Variants in GALNTL6 observed in about 807,000 individuals in gnomAD.
GALNTL6 encodes polypeptide N-acetylgalactosaminyltransferase-like 6.
In GALNTL6, 46 loss-of-function variants were observed where a neutral mutation model predicts 73.7. That is an observed-to-expected ratio of 0.62 (90% CI 0.49 to 0.80). The LOEUF is 0.80. GALNTL6 is among the 30% of genes least tolerant of loss of function. GALNTL6 has a pLI of 0.00. For missense variants in GALNTL6, 604 were observed against 755.0 expected, an observed-to-expected ratio of 0.80 and a Z score of 2.34; for synonymous variants, 259 against 263.7, an observed-to-expected ratio of 0.98 and a Z score of 0.17.
At chr4:172,251,443 A>G (rs1318442251) in intron 3 of GALNTL6, among the ~76,000 whole-genome samples, 1 of 152,128 alleles carries the variant, frequency 6.6e-6, no homozygotes, top group East Asian at 1.9e-4. Flanking sequence ...AAAATTAACC[A>G]TCACAAGTCT....
chr4:172,626,446 T>G (rs1739174897), intron 5 of GALNTL6, among the ~76,000 whole-genome samples: 1 of 152,100 alleles, frequency 6.6e-6, no homozygotes, highest in Non-Finnish European at 1.5e-5. Flanking sequence ...GGTAACATGA[T>G]GTCTCATGGC....
At chr4:172,201,638 A>T (rs932446629) in intron 2 of GALNTL6, among the ~76,000 whole-genome samples, 2 of 152,078 alleles carry the variant, frequency 1.3e-5, no homozygotes, top group Admixed American at 1.3e-4. Flanking sequence ...TTGTTAAAAT[A>T]TTTTTGTAGT....
rs574104498 is a variant in GALNTL6, at chr4:172,315,684, TTATCTTTA to T, written c.386+3936_386+3943del. On this transcript the variant is annotated intron_variant, in intron 4 of 12. Transcript: ENST00000506823. ...AGCCTGAATCTCTCCTTAGAACATCTTATCTTTATATTTTATTTAATGCAATGTTGAAA... is the reference window on the plus strand; with the variant it reads ...AGCCTGAATCTCTCCTTAGAACATCTTATTTTATTTAATGCAATGTTGAAA... 9.8e-5 allele frequency among the ~76,000 whole-genome samples: 15 copies of T among 152,330 alleles called. No individual in the cohort carries two copies. In the South Asian group the frequency reaches 3.1e-3, roughly 32 times the overall value.
intron 5 of GALNTL6, among the ~76,000 whole-genome samples, chr4:172,353,394 G>T (rs576450245): frequency 1.2e-3 from 187 of 152,158 alleles, no homozygotes; most frequent in Admixed American, 3.0e-3. Flanking sequence ...AATAAATTTT[G>T]CTGTTTGTTT....
chr4:171,905,549 C>A (rs1373317707), intron 2 of GALNTL6, among the ~76,000 whole-genome samples: 4 of 150,086 alleles, frequency 2.7e-5, no homozygotes, highest in African/African-American at 1.0e-4. Flanking sequence ...TAATGGGAGA[C>A]TTTAACACCC....
chr4:172,239,191 T>C (rs750048871), intron 3 of GALNTL6, among the ~76,000 whole-genome samples: 4 of 152,168 alleles, frequency 2.6e-5, no homozygotes, highest in Non-Finnish European at 4.4e-5. Flanking sequence ...ATTCTTTGTA[T>C]GTCTGGTCGA....
chr4:171,891,370 A>G lies in GALNTL6; in HGVS notation c.138+76652A>G, dbSNP rs143905902. On this transcript the variant is annotated intron_variant, in intron 2 of 12. Transcript: ENST00000506823. ...AATCCTTTTGTCATGTTTCATTCTC[A>G]CACCTGGCTATGCAGCCTTGAAGAA... is the stretch of plus-strand genomic sequence containing the variant. Among the ~76,000 whole-genome samples, 4 of 152,294 alleles carry G rather than the reference A, an allele frequency of 2.6e-5. No homozygotes were observed. In the East Asian group the frequency reaches 7.7e-4, roughly 29 times the overall value.
chr4:171,844,508 A>G (rs1483737490), intron 2 of GALNTL6, among the ~76,000 whole-genome samples: 2 of 152,012 alleles, frequency 1.3e-5, no homozygotes, highest in Non-Finnish European at 2.9e-5. Flanking sequence ...TAAATTGTGC[A>G]TTTTTGTTTT....
intron 2 of GALNTL6, among the ~76,000 whole-genome samples, chr4:172,110,291 AACAGCT>A (rs1342073808): frequency 6.6e-6 from 1 of 152,216 alleles, no homozygotes; most frequent in Non-Finnish European, 1.5e-5. Context: ...AATTGTTCTC[AACAGCT>A]GATCATATGA....
At chr4:171,898,493 T>C (rs577067103) in intron 2 of GALNTL6, among the ~76,000 whole-genome samples, 27 of 152,264 alleles carry the variant, frequency 1.8e-4, no homozygotes, top group African/African-American at 6.0e-4. Context: ...TTTTTATATT[T>C]ATATTATCAT....
At chr4:172,948,399 G>GT (rs1749274758) in intron 9 of GALNTL6, among the ~76,000 whole-genome samples, 1 of 151,932 alleles carries the variant, frequency 6.6e-6, no homozygotes, top group Non-Finnish European at 1.5e-5. Flanking sequence ...CTTTGGAGTG[G>GT]TTTTTTTGAG....
chr4:172,589,750 T>G (rs941396034), intron 5 of GALNTL6, among the ~76,000 whole-genome samples: 4 of 152,242 alleles, frequency 2.6e-5, no homozygotes, highest in African/African-American at 9.6e-5. Flanking sequence ...TTCAGTCACT[T>G]TAAATGAATG....
intron 10 of GALNTL6, among the ~76,000 whole-genome samples, chr4:172,981,793 C>T (rs548129944): frequency 2.1e-5 from 3 of 139,568 alleles, no homozygotes; most frequent in East Asian, 2.2e-4. Flanking sequence ...GTAGTATGAA[C>T]GTCTTTTTTT....
intron 5 of GALNTL6, among the ~76,000 whole-genome samples, chr4:172,409,545 A>G (rs1247228978): frequency 6.6e-6 from 1 of 151,986 alleles, no homozygotes; most frequent in Non-Finnish European, 1.5e-5. Context: ...CAAGACATGT[A>G]ATTCTGAATT....
At chr4:172,874,757 T>C (rs533443105) in intron 7 of GALNTL6, among the ~76,000 whole-genome samples, 53 of 152,322 alleles carry the variant, frequency 3.5e-4, no homozygotes, top group East Asian at 1.5e-3. Context: ...TCTGCTCCCG[T>C]CTGGCCTGAG....
At chr4:172,672,300 A>G (rs1418178943) in intron 5 of GALNTL6, among the ~76,000 whole-genome samples, 2 of 152,228 alleles carry the variant, frequency 1.3e-5, no homozygotes, top group Non-Finnish European at 2.9e-5. Flanking sequence ...TGTTTATGTG[A>G]TGAAACACAT....
intron 2 of GALNTL6, among the ~76,000 whole-genome samples, chr4:172,187,509 C>T (rs553683442): frequency 1.2e-4 from 18 of 152,148 alleles, no homozygotes; most frequent in African/African-American, 4.1e-4. Context: ...TACATGCCAA[C>T]TATATTTCAA....
At chr4:172,392,454 T>C (rs903897898) in intron 5 of GALNTL6, among the ~76,000 whole-genome samples, 1 of 117,532 alleles carries the variant, frequency 8.5e-6, no homozygotes, top group African/African-American at 3.2e-5. Flanking sequence ...TTAAAGTATT[T>C]CTTATTCATT....
chr4:172,100,178 T>A (rs1732471565), intron 2 of GALNTL6, among the ~76,000 whole-genome samples: 1 of 152,174 alleles, frequency 6.6e-6, no homozygotes, highest in Non-Finnish European at 1.5e-5. Context: ...ATAAATGAAA[T>A]TATTTCCTTC....
Sources: allele counts gnomAD v4.1 joint callset (sites outside exome capture counted in the v4.1 genomes callset), GRCh38; gene constraint gnomAD v4.1.1; transcripts MANE v1.5; gene names NCBI Gene and HGNC (gene_info 2026-07-23, HGNC 2026-07-21).